AGMO: variants seen among roughly 807,000 people sequenced by gnomAD.
The protein encoded by AGMO is alkylglycerol monooxygenase, also known as glyceryl-ether monooxygenase.
Under a neutral mutation model 60.2 loss-of-function variants are expected in AGMO, and 75 were observed. That is an observed-to-expected ratio of 1.25 (90% confidence interval 1.03 to 1.51). The LOEUF (loss-of-function observed/expected upper bound fraction) is 1.51, where lower values mean the gene tolerates loss of function less well. Among genes scored for constraint, AGMO ranks in the 40% most tolerant of loss-of-function variants. AGMO has a pLI of 0.00. For synonymous variants in AGMO, 261 were observed against 177.1 expected (o/e 1.47, Z -3.76); for missense variants, 763 against 525.5 (o/e 1.45, Z -4.42).
chr7:15,431,430 A>G lies in AGMO; in HGVS notation c.410-322T>C, dbSNP rs183313837. On this transcript the variant is annotated intron_variant, in intron 3 of 12. Coordinates refer to ENST00000342526, the MANE Select transcript of AGMO (RefSeq NM_001004320.2). ...ATATTATAATATGACAGATTATAAA[A>G]GCTAGCTGGTAATGTTGTGACAATA... Among the ~76,000 whole-genome samples the G allele has an allele frequency of 1.3e-3, 199 of 152,042 alleles. 1 individual carries two copies. Among genetic ancestry groups the G allele is most frequent in the African/African-American group, 4.6e-3 (191 of 41,562 alleles).
chr7:15,457,077 T>C (rs951981936), intron 3 of AGMO, among the ~76,000 whole-genome samples: 1 of 152,180 alleles, frequency 6.6e-6, no homozygotes, highest in Non-Finnish European at 1.5e-5. Flanking sequence ...TAATATTTAA[T>C]AGTGTAATAT....
chr7:15,180,802 A>T, the AGMO span, among the ~76,000 whole-genome samples: 1 of 152,192 alleles, frequency 6.6e-6, no homozygotes, highest in African/African-American at 2.4e-5. Flanking sequence ...CTATCGCAGA[A>T]TATCACAGAC....
intron 12 of AGMO, among the ~76,000 whole-genome samples, chr7:15,225,606 T>C (rs1782056347): frequency 1.3e-5 from 2 of 151,950 alleles, no homozygotes; most frequent in South Asian, 4.1e-4. Context: ...ATATGAGAGA[T>C]AAAAAGACAG....
chr7:15,145,114 C>T, the AGMO span, among the ~76,000 whole-genome samples: 112 of 152,196 alleles, frequency 7.4e-4, no homozygotes, highest in Admixed American at 2.8e-3. Flanking sequence ...AGGCGTGAGC[C>T]GCTGCGCCCG....
At chr7:15,294,347 A>AAAT (rs1266250492) in intron 12 of AGMO, among the ~76,000 whole-genome samples, 10 of 152,080 alleles carry the variant, frequency 6.6e-5, no homozygotes, top group Admixed American at 2.0e-4. Context: ...GAGGTCCTTA[A>AAAT]AAGTACAATG....
intron 3 of AGMO, among the ~76,000 whole-genome samples, chr7:15,532,855 G>A (rs1290810621): frequency 3.9e-5 from 6 of 152,074 alleles, no homozygotes; most frequent in Non-Finnish European, 8.8e-5. Context: ...GCCGAGAATG[G>A]TGGCATGTGC....
intron 12 of AGMO, among the ~76,000 whole-genome samples, chr7:15,229,545 T>C (rs1782189651): frequency 6.7e-6 from 1 of 148,600 alleles, no homozygotes; most frequent in Non-Finnish European, 1.5e-5. Flanking sequence ...AAATGCCAAA[T>C]AACCCTTTGA....
chr7:15,547,250 T>G (rs2115286709), intron 2 of AGMO, among the ~76,000 whole-genome samples: 1 of 152,132 alleles, frequency 6.6e-6, no homozygotes, highest in African/African-American at 2.4e-5. Context: ...GGGAGCAAAA[T>G]TTTCCCCAGT....
At chr7:15,303,749 T>A (rs377367450) in intron 12 of AGMO, among the ~76,000 whole-genome samples, 28 of 152,214 alleles carry the variant, frequency 1.8e-4, no homozygotes, top group African/African-American at 6.7e-4. Flanking sequence ...AATATTAAGT[T>A]AGCCCTGACT....
the AGMO span, among the ~76,000 whole-genome samples, chr7:15,186,257 T>C: frequency 6.6e-6 from 1 of 152,212 alleles, no homozygotes; most frequent in Non-Finnish European, 1.5e-5. Flanking sequence ...ACTGCAAGCA[T>C]TTTTGGTCAG....
intron 3 of AGMO, among the ~76,000 whole-genome samples, chr7:15,499,132 A>G (rs1054378867): frequency 1.3e-5 from 2 of 151,904 alleles, no homozygotes; most frequent in African/African-American, 4.8e-5. Context: ...CTAGGGAATG[A>G]TAGATAAAAA....
At chr7:15,244,133 AAAG>A (rs1782672693) in intron 12 of AGMO, among the ~76,000 whole-genome samples, 6 of 152,040 alleles carry the variant, frequency 3.9e-5, no homozygotes, top group Admixed American at 3.9e-4. Context: ...GAGAGTTAAG[AAAG>A]AAGGGAAAAT....
intron 5 of AGMO, among the ~76,000 whole-genome samples, chr7:15,411,475 G>C (rs760079919): frequency 6.6e-6 from 1 of 151,758 alleles, no homozygotes; most frequent in Non-Finnish European, 1.5e-5. Context: ...AAAAAATGCA[G>C]TTTACATTAA....
chr7:15,295,077 T>C (rs998099161), intron 12 of AGMO, among the ~76,000 whole-genome samples: 13 of 151,832 alleles, frequency 8.6e-5, no homozygotes, highest in African/African-American at 2.9e-4. Flanking sequence ...ATAATTATAA[T>C]TGCAAAAGAA....
intron 12 of AGMO, among the ~76,000 whole-genome samples, chr7:15,315,312 C>G (rs1198049546): frequency 7.5e-6 from 1 of 133,226 alleles, no homozygotes; most frequent in Non-Finnish European, 1.6e-5. Flanking sequence ...ATAAGCAAAA[C>G]TTACATGGAT....
At chr7:15,236,488 T>C (rs1782422785) in intron 12 of AGMO, among the ~76,000 whole-genome samples, 1 of 152,124 alleles carries the variant, frequency 6.6e-6, no homozygotes, top group Non-Finnish European at 1.5e-5. Context: ...CTGTCTTGAA[T>C]TATCTACATC....
intron 10 of AGMO, among the ~76,000 whole-genome samples, chr7:15,383,850 T>G (rs1783798031): frequency 6.6e-6 from 1 of 152,208 alleles, no homozygotes; most frequent in African/African-American, 2.4e-5. Flanking sequence ...TCTTCATATC[T>G]GAAGATAACA....
At chr7:15,341,169 G>A (rs1307586320) in intron 12 of AGMO, among the ~76,000 whole-genome samples, 1 of 152,090 alleles carries the variant, frequency 6.6e-6, no homozygotes, top group African/African-American at 2.4e-5. Flanking sequence ...TGTTACTTAT[G>A]CAAATTTCTG....
intron 2 of AGMO, among the ~76,000 whole-genome samples, chr7:15,557,382 A>T (rs1785174154): frequency 6.6e-6 from 1 of 152,044 alleles, no homozygotes; most frequent in Non-Finnish European, 1.5e-5. Context: ...TAGAAAATGA[A>T]ATTAGTCCCT....
Sources: allele counts gnomAD v4.1 joint callset (sites outside exome capture counted in the v4.1 genomes callset), GRCh38; gene constraint gnomAD v4.1.1; transcripts MANE v1.5; gene names NCBI Gene and HGNC (gene_info 2026-07-23, HGNC 2026-07-21).